FER: variants seen among roughly 807,000 people sequenced by gnomAD.
The protein encoded by FER is tyrosine-protein kinase Fer.
In FER, 63 loss-of-function variants were observed where a neutral mutation model predicts 111.0. That is an observed-to-expected ratio of 0.57 (90% CI 0.46 to 0.70). FER has a LOEUF of 0.70. Among genes scored for constraint, FER ranks in the 30% least tolerant of loss-of-function variants. The probability of loss-of-function intolerance (pLI) is 0.00; values close to 1 mark genes in which losing one functional copy is unlikely to be tolerated. For synonymous variants in FER, 327 were observed against 313.9 expected, an observed-to-expected ratio of 1.04 and a Z score of -0.44; for missense variants, 914 against 954.0, an observed-to-expected ratio of 0.96 and a Z score of 0.55.
chr5:108,968,109 C>A (rs891883237), intron 13 of FER, among the ~76,000 whole-genome samples: 10 of 152,306 alleles, frequency 6.6e-5, no homozygotes, highest in Admixed American at 2.0e-4. Flanking sequence ...CTAAAAGTGG[C>A]CGGGCACAGT....
chr5:108,783,961 G>T (rs1015099555), intron 2 of FER: 1 of 152,280 alleles, frequency 6.6e-6, no homozygotes, highest in African/African-American at 2.4e-5. Flanking sequence ...TGCCTGTTCT[G>T]ATGTCTGTGG....
chr5:108,851,954 C>G (rs1580873287), intron 5 of FER, among the ~76,000 whole-genome samples: 1 of 152,160 alleles, frequency 6.6e-6, no homozygotes, highest in Non-Finnish European at 1.5e-5. Flanking sequence ...TTACACATGC[C>G]CATGTCAGTC....
intron 5 of FER, among the ~76,000 whole-genome samples, chr5:108,857,522 T>C (rs1382921778): frequency 6.6e-6 from 1 of 152,128 alleles, no homozygotes; most frequent in Non-Finnish European, 1.5e-5. Flanking sequence ...TTAATAAGTA[T>C]TGTAGGGAAA....
At chr5:108,797,130 G>T (rs1168470851) in intron 2 of FER, among the ~76,000 whole-genome samples, 4 of 151,720 alleles carry the variant, frequency 2.6e-5, no homozygotes, top group South Asian at 2.1e-4. Context: ...AGGCAGCGGG[G>T]TTTTTTTTGG....
At chr5:109,014,747 T>G (rs936609781) in intron 13 of FER, 1 of 152,190 alleles carries the variant, frequency 6.6e-6, no homozygotes, top group African/African-American at 2.4e-5. Context: ...TTGTATCCTC[T>G]TTTATTTCAT....
At chr5:108,798,453 C>A in intron 3 of FER, 64 bp downstream of exon 3, 1 of 1,238,156 alleles carries the variant, frequency 8.1e-7, no homozygotes, top group Non-Finnish European at 1.2e-6. Context: ...AATGCAATAG[C>A]TCAAACTATT....
chr5:109,163,217 TGTTA>T (rs1461376163), intron 17 of FER, among the ~76,000 whole-genome samples: 4 of 151,022 alleles, frequency 2.6e-5, no homozygotes, highest in South Asian at 2.1e-4. Flanking sequence ...TTATTGCGTA[TGTTA>T]GTTTATGCTT....
intron 10 of FER, among the ~76,000 whole-genome samples, chr5:108,911,294 G>A (rs183513546): frequency 1.4e-4 from 22 of 151,800 alleles, no homozygotes; most frequent in Admixed American, 9.2e-4. Context: ...TGTTCATGTC[G>A]TTTGCCCACT....
chr5:108,970,360 C>T (rs1373388084), intron 13 of FER, among the ~76,000 whole-genome samples: 1 of 151,970 alleles, frequency 6.6e-6, no homozygotes, highest in East Asian at 1.9e-4. Context: ...GGACTACAGG[C>T]GTCTGCCACC....
intron 13 of FER, among the ~76,000 whole-genome samples, chr5:108,992,791 T>G (rs1434999279): frequency 3.6e-5 from 5 of 139,096 alleles, no homozygotes; most frequent in African/African-American, 8.3e-5. Context: ...ACGGGGCGGT[T>G]GCCAGGCAGA....
chr5:109,083,947 G>T (rs1447083017), intron 16 of FER, among the ~76,000 whole-genome samples: 1 of 151,816 alleles, frequency 6.6e-6, no homozygotes, highest in Non-Finnish European at 1.5e-5. Context: ...CAGCATCCAT[G>T]AAAAAATAAT....
rs540937992 is a variant in FER, at chr5:108,970,428, G to A, written c.1656+11081G>A. Among the ~76,000 whole-genome samples the A allele has an allele frequency of 1.3e-4, 20 of 151,866 alleles. No homozygotes were observed. In the South Asian group the frequency reaches 3.5e-3, roughly 27 times the overall value. ...GTAGAGACGGGGTTTTGCCGTGTTA[G>A]CCAGCATGGTCTTGATCTCCTGACC... is the stretch of plus-strand genomic sequence containing the variant. On this transcript the variant is annotated intron_variant, in intron 13 of 19. Transcript: ENST00000281092.
intron 16 of FER, among the ~76,000 whole-genome samples, chr5:109,052,974 T>A (rs1224113955): frequency 1.3e-5 from 2 of 152,224 alleles, no homozygotes; most frequent in Non-Finnish European, 2.9e-5. Flanking sequence ...CATGATTTTA[T>A]AGCATCATGC....
At chr5:108,992,773 C>A (rs1291180416) in intron 13 of FER, among the ~76,000 whole-genome samples, 1 of 151,780 alleles carries the variant, frequency 6.6e-6, no homozygotes, top group Admixed American at 6.6e-5. Flanking sequence ...GGGCTCCTCA[C>A]TTCTCAGACG....
chr5:108,987,426 A>G (rs1393285872), intron 13 of FER, among the ~76,000 whole-genome samples: 1 of 152,210 alleles, frequency 6.6e-6, no homozygotes, highest in Non-Finnish European at 1.5e-5. Flanking sequence ...AGCCTGGGCA[A>G]CAAGAGCAAA....
chr5:109,084,819 T>C (rs919409895), intron 16 of FER, among the ~76,000 whole-genome samples: 1 of 151,964 alleles, frequency 6.6e-6, no homozygotes, highest in Non-Finnish European at 1.5e-5. Context: ...TACAGTTATA[T>C]GTAGTTCTTT....
intron 10 of FER, among the ~76,000 whole-genome samples, chr5:108,938,823 A>G (rs1755872054): frequency 6.6e-6 from 1 of 151,930 alleles, no homozygotes; most frequent in Non-Finnish European, 1.5e-5. Flanking sequence ...CCATGTGATG[A>G]TAGTGTCCAA....
chr5:108,788,835 T>C (rs893735613), intron 2 of FER, among the ~76,000 whole-genome samples: 1 of 152,244 alleles, frequency 6.6e-6, no homozygotes, highest in South Asian at 2.1e-4. Flanking sequence ...TCTTGTTCTT[T>C]CATTTCTATT....
chr5:109,070,147 T>A lies in FER; in HGVS notation c.1924+22949T>A, dbSNP rs1439632139. 2.0e-5 allele frequency among the ~76,000 whole-genome samples: 3 copies of A among 151,712 alleles called. No individual in the cohort carries two copies. The South Asian group carries it at 6.2e-4, about 31-fold the overall frequency. On this transcript the variant is annotated intron_variant, in intron 16 of 19. Coordinates refer to ENST00000281092, the MANE Select transcript of FER (RefSeq NM_005246.4). ...AATAAAGGTTGATTTTTTTTTTTCA[T>A]CTCCGCAACCATATGTCCCTGCAAG...
Sources: gnomAD v4.1 joint callset for allele counts (sites outside exome capture counted in the v4.1 genomes callset) on GRCh38, gnomAD v4.1.1 for gene constraint, MANE v1.5 for transcripts, NCBI Gene and HGNC (gene_info 2026-07-23, HGNC 2026-07-21) for gene names.